The following EGF variants were observed in gnomAD, a reference collection of about 807,000 sequenced individuals.
The protein encoded by EGF is pro-epidermal growth factor.
EGF carries 95 observed loss-of-function variants against 143.8 expected under a neutral mutation model. The ratio of observed to expected loss-of-function variants is 0.66; its 90% CI spans 0.56 to 0.78. The LOEUF is 0.78. EGF is among the 30% of genes least tolerant of loss of function. The probability of loss-of-function intolerance (pLI) is 0.00; values close to 1 mark genes in which losing one functional copy is unlikely to be tolerated. For synonymous variants in EGF, 510 were observed against 510.5 expected, an observed-to-expected ratio of 1.00 and a Z score of 0.01; for missense variants, 1,320 against 1,470.9, an observed-to-expected ratio of 0.90 and a Z score of 1.68.
intron 22 of EGF, among the ~76,000 whole-genome samples, chr4:110,007,557 A>G (rs1332557872): frequency 6.6e-6 from 1 of 152,232 alleles, no homozygotes; most frequent in Non-Finnish European, 1.5e-5. Flanking sequence ...GATAATACAA[A>G]TAATGACAAA....
intron 6 of EGF, among the ~76,000 whole-genome samples, chr4:109,959,842 A>G (rs560146906): frequency 6.6e-6 from 1 of 152,250 alleles, no homozygotes; most frequent in South Asian, 2.1e-4. Context: ...TCTTATCCCA[A>G]GAAGATCTAG....
chr4:109,975,966 T>C, intron 12 of EGF, 46 bp from the exon 13 acceptor site: 1 of 1,566,070 alleles, frequency 6.4e-7, no homozygotes, highest in Non-Finnish European at 8.8e-7. Flanking sequence ...AACAGAATAA[T>C]TTATTTCATG....
chr4:109,960,973 T>C lies in EGF; in HGVS notation c.1173T>C (p.Asp391=). Residue 391 remains aspartate (D), a synonymous_variant, in exon 7 of 24, where the codon GAT becomes GAC. Transcript: ENST00000265171. ...CTGTAGGATTTGTTCTGCTTCCTGA[T>C]GGGAAACGATGTCATCGTAAGTTAT... The part of the protein sequence containing the change: ...TCPVGFVLLP[D]GKRCHQLVSC... 1.2e-6 allele frequency: 2 copies of C among 1,613,926 alleles called. No individual in the cohort carries two copies. The highest frequency in any genetic ancestry group is 1.7e-6 in the Non-Finnish European group (2 of 1,179,878).
intron 11 of EGF, among the ~76,000 whole-genome samples, chr4:109,972,122 G>A (rs1376557800): frequency 3.9e-5 from 6 of 152,064 alleles, no homozygotes; most frequent in Non-Finnish European, 7.4e-5. Context: ...TTCTCTTGGA[G>A]GATCTCAGTG....
intron 22 of EGF, among the ~76,000 whole-genome samples, chr4:110,005,030 CTCTG>C (rs1753074251): frequency 1.5e-5 from 2 of 136,858 alleles, no homozygotes; most frequent in Admixed American, 7.3e-5. Flanking sequence ...TTTTCTTTTT[CTCTG>C]TCTTTTTTTT....
intron 22 of EGF, among the ~76,000 whole-genome samples, chr4:110,005,178 T>C (rs1476327429): frequency 6.6e-6 from 1 of 150,834 alleles, no homozygotes; most frequent in African/African-American, 2.4e-5. Context: ...CCCAAATAGC[T>C]GGGACTACCG....
At chr4:109,942,873 A>C (rs891566297) in intron 2 of EGF, among the ~76,000 whole-genome samples, 8 of 152,248 alleles carry the variant, frequency 5.3e-5, no homozygotes, top group Non-Finnish European at 1.2e-4. Flanking sequence ...AATTGAGTTC[A>C]GTTGAAGATC....
In EGF at chr4:109,963,196, G is replaced by A. The variant is rs1560698635; in HGVS notation, c.1336G>A (p.Gly446Arg). ...AGGTTGTTCCTCACCCGATAATGGT[G>A]GATGTAGCCAGCTCTGCGTTCCTCT... ...CSGCSSPDNG[G>R]CSQLCVPLSP... The change falls in exon 9 of 24, where the codon GGA becomes AGA. Residue 446 changes from glycine to arginine, a missense_variant. By Grantham distance (125) the Gly-to-Arg change is moderately radical (BLOSUM62 -2). This residue lies in a region of EGF where 1,186 missense variants were observed against 1,313.7 expected (regional missense o/e 0.90). Transcript: ENST00000265171. 6.2e-7 allele frequency: 1 copy of A among 1,614,020 alleles called. No individual in the cohort carries two copies. Among genetic ancestry groups the A allele is most frequent in the Non-Finnish European group, 8.5e-7 (1 of 1,179,942 alleles).
intron 21 of EGF, among the ~76,000 whole-genome samples, chr4:110,003,087 C>T (rs1046646428): frequency 2.0e-5 from 3 of 152,102 alleles, no homozygotes; most frequent in Admixed American, 1.3e-4. Context: ...AGGTTGATTC[C>T]GTGTCTTTGC....
In EGF at chr4:110,004,533, A is replaced by G. The variant is rs768797122; in HGVS notation, c.3202A>G (p.Lys1068Glu). The G allele has an allele frequency of 3.7e-6, 6 of 1,614,098 alleles. No homozygotes were observed. In the South Asian group the frequency reaches 5.5e-5, roughly 15 times the overall value. ...RTQKLLSKNP[K>E]NPYEESSRDV... ...TCAGAAGCTGCTATCGAAAAACCCA[A>G]AGAATCCTTATGAGGAGTCGAGCAG... Residue 1068 changes from lysine (K) to glutamate (E), a missense_variant, in exon 22 of 24, where the codon AAG becomes GAG. Coordinates refer to ENST00000265171, the MANE Select transcript of EGF (RefSeq NM_001963.6).
At chr4:109,988,472 C>T in intron 17 of EGF, 112 bp from the exon 18 acceptor site, 1 of 1,517,114 alleles carries the variant, frequency 6.6e-7, no homozygotes, top group Non-Finnish European at 9.1e-7. Context: ...GCAACAGCAC[C>T]TGTAAAGGAC....
At position 110,008,119 on chromosome 4, in the gene EGF, A is replaced by T. The variant is rs367747130; in HGVS notation, c.3292-33A>T. 8 of 1,585,946 alleles carry T rather than the reference A, an allele frequency of 5.0e-6. No homozygotes were observed. The African/African-American group carries it at 6.7e-5, about 13-fold the overall frequency. Reference sequence around the variant, plus strand: ...TTGAGATAATTTGTGAATTTTAACAATATCCTCTCTCCCTCCTTTTTGTTG... The same window carrying T: ...TTGAGATAATTTGTGAATTTTAACATTATCCTCTCTCCCTCCTTTTTGTTG... On this transcript the variant is annotated intron_variant, in intron 22 of 23. Coordinates refer to ENST00000265171, the MANE Select transcript of EGF (RefSeq NM_001963.6).
intron 1 of EGF, among the ~76,000 whole-genome samples, chr4:109,923,831 G>A (rs1260333859): frequency 6.6e-6 from 1 of 151,422 alleles, no homozygotes; most frequent in African/African-American, 2.5e-5. Flanking sequence ...ATGTTGCCCA[G>A]GCTGGTCTTG....
chr4:109,979,992 G>A lies in EGF; in HGVS notation c.2074G>A (p.Val692Met). The change falls in exon 14 of 24, where the codon GTG becomes ATG. Residue 692 changes from valine (V) to methionine (M), a missense_variant. By Grantham distance (21) the Val-to-Met change is conservative (BLOSUM62 1). Transcript: ENST00000265171. ...TCCAGGTCACCCATTTGCTGTAGCA[G>A]TGTTTGAGGATTATGTGTGGTTCTC... Reference protein sequence around the residue: ...NDVGHPFAVAVFEDYVWFSDW... With the variant: ...NDVGHPFAVAMFEDYVWFSDW... 1 of 1,614,068 alleles carries A rather than the reference G, an allele frequency of 6.2e-7. No individual in the cohort carries two copies. The highest frequency in any genetic ancestry group is 2.2e-5 in the East Asian group (1 of 44,888).
At chr4:109,922,528 G>C (rs944243614) in intron 1 of EGF, among the ~76,000 whole-genome samples, 4 of 151,656 alleles carry the variant, frequency 2.6e-5, no homozygotes, top group African/African-American at 9.8e-5. Context: ...ACTTCCAAGA[G>C]AGGCAGTGCC....
chr4:109,929,794 T>C (rs1306429643), intron 1 of EGF, among the ~76,000 whole-genome samples: 1 of 152,144 alleles, frequency 6.6e-6, no homozygotes, highest in Non-Finnish European at 1.5e-5. Context: ...TCATCTGGCT[T>C]CTCTCTCTCA....
rs1578423385 is a variant in EGF at position 110,011,563 on chromosome 4, G to A, written c.*108G>A. On this transcript the variant is annotated 3_prime_UTR_variant, in exon 24 of 24. Transcript: ENST00000265171. ...TAGGTTTTGGTTCCACAATCTCTAC[G>A]ACTAATCACCTACTCAATGCCTGGA... 11 of 1,538,000 alleles carry A rather than the reference G, an allele frequency of 7.2e-6. No individual in the cohort carries two copies. In the East Asian group the frequency reaches 1.6e-4, roughly 22 times the overall value.
Position 109,963,265 on chromosome 4 carries a change from C to T in EGF, c.1405C>T (p.Leu469=). ...WECDCFPGYD[L]QLDEKSCAAS... ...ATGTGATTGCTTTCCTGGGTATGAC[C>T]TACAACTGGATGAAAAAAGCTGTGC... The change falls in exon 9 of 24, where the codon CTA becomes TTA. Residue 469 remains leucine (L), a synonymous_variant. Transcript: ENST00000265171. 1 of 1,613,904 alleles carries T rather than the reference C, an allele frequency of 6.2e-7. No individual in the cohort carries two copies. The highest frequency in any genetic ancestry group is 1.1e-5 in the South Asian group (1 of 91,070).
chr4:109,941,831 T>C (rs1160816028), intron 2 of EGF, among the ~76,000 whole-genome samples: 2 of 152,246 alleles, frequency 1.3e-5, no homozygotes, highest in Admixed American at 6.5e-5. Flanking sequence ...CTTTACTTCA[T>C]GTACATACAA....
Sources: gnomAD v4.1 joint callset for allele counts (sites outside exome capture counted in the v4.1 genomes callset) on GRCh38, gnomAD v4.1.1 for gene constraint, gnomAD v4.1.1 regional missense constraint, MANE v1.5 for transcripts, NCBI Gene and HGNC (gene_info 2026-07-23, HGNC 2026-07-21) for gene names.